The following PDE10A variants were observed in gnomAD, a reference collection of about 807,000 sequenced individuals.
The protein encoded by PDE10A is cAMP and cAMP-inhibited cGMP 3',5'-cyclic phosphodiesterase 10A.
In PDE10A, 39 loss-of-function variants were observed where a neutral mutation model predicts 97.7. The observed-to-expected ratio is 0.40, with a 90% CI of 0.31 to 0.52. The LOEUF is 0.52. Ranked by LOEUF, PDE10A falls within the 20% of genes least tolerant of loss-of-function variation. The pLI is 0.56. For missense variants in PDE10A, 731 were observed against 1,047.8 expected (o/e 0.70, Z 4.17); for synonymous variants, 371 against 376.8 (o/e 0.98, Z 0.18).
At chr6:165,413,422 A>AT in intron 13 of PDE10A, 79 bp downstream of exon 13, 2 of 907,920 alleles carry the variant, frequency 2.2e-6, no homozygotes, top group Non-Finnish European at 3.3e-6. Context: ...AAAAAAAAAA[A>AT]GCCCTTAAGC....
At chr6:165,481,136 T>C (rs185239256) in intron 3 of PDE10A, among the ~76,000 whole-genome samples, 3 of 152,348 alleles carry the variant, frequency 2.0e-5, no homozygotes, top group African/African-American at 7.2e-5. Context: ...TTTATGACTC[T>C]GCCAAAGTTC....
At chr6:165,396,557 TAGA>T in intron 13 of PDE10A, 98 bp from the exon 14 acceptor site, 3 of 1,229,760 alleles carry the variant, frequency 2.4e-6, no homozygotes, top group Non-Finnish European at 3.4e-6. Flanking sequence ...GAATCAGAAC[TAGA>T]ATTAAAACCA....
chr6:165,574,187 C>A (rs887180736), intron 1 of PDE10A, among the ~76,000 whole-genome samples: 44 of 152,076 alleles, frequency 2.9e-4, no homozygotes, highest in African/African-American at 9.9e-4. Flanking sequence ...TATATGAGAA[C>A]CACTTCCACT....
chr6:165,362,276 T>C (rs1395744003), intron 18 of PDE10A, among the ~76,000 whole-genome samples: 1 of 151,592 alleles, frequency 6.6e-6, no homozygotes, highest in Non-Finnish European at 1.5e-5. Context: ...TCAACAAAAC[T>C]GACAAACTTT....
intron 1 of PDE10A, among the ~76,000 whole-genome samples, chr6:165,896,888 G>A (rs192053016): frequency 3.3e-5 from 5 of 152,024 alleles, no homozygotes; most frequent in East Asian, 3.9e-4. Context: ...CAGGCTGGTC[G>A]TGAACTCCAG....
At chr6:165,541,523 T>C (rs1783438023) in intron 2 of PDE10A, among the ~76,000 whole-genome samples, 1 of 152,210 alleles carries the variant, frequency 6.6e-6, no homozygotes, top group Non-Finnish European at 1.5e-5. Context: ...AGCACTACAA[T>C]AGGTTCTAGG....
chr6:165,471,678 A>G (rs1168503360), intron 3 of PDE10A, among the ~76,000 whole-genome samples: 2 of 151,950 alleles, frequency 1.3e-5, no homozygotes, highest in Non-Finnish European at 2.9e-5. Context: ...TTTTAATATC[A>G]CATATCTGGA....
chr6:165,608,469 C>A (rs1031207331), intron 1 of PDE10A, among the ~76,000 whole-genome samples: 3 of 152,022 alleles, frequency 2.0e-5, no homozygotes, highest in Non-Finnish European at 4.4e-5. Context: ...GCATAGTATT[C>A]CATGGTGTAT....
intron 1 of PDE10A, among the ~76,000 whole-genome samples, chr6:165,676,825 G>A (rs1004435905): frequency 6.6e-6 from 1 of 152,086 alleles, no homozygotes; most frequent in African/African-American, 2.4e-5. Context: ...ACTGGCGAGC[G>A]CCTCCCTTCC....
At chr6:165,692,445 G>GGACTT (rs1791328830) in intron 1 of PDE10A, among the ~76,000 whole-genome samples, 1 of 152,138 alleles carries the variant, frequency 6.6e-6, no homozygotes, top group African/African-American at 2.4e-5. Context: ...GTCACTACCG[G>GGACTT]GACTTGCTTG....
chr6:165,425,507 C>G (rs1030699685), intron 10 of PDE10A, among the ~76,000 whole-genome samples: 4 of 151,892 alleles, frequency 2.6e-5, no homozygotes, highest in Non-Finnish European at 5.9e-5. Flanking sequence ...TAAAAACACG[C>G]AATAAAGTAG....
chr6:165,344,268 T>C (rs910647090), intron 18 of PDE10A, among the ~76,000 whole-genome samples: 43 of 152,316 alleles, frequency 2.8e-4, no homozygotes, highest in African/African-American at 1.0e-3. Context: ...GATTTGGTCT[T>C]GTGATATGTG....
chr6:165,518,509 G>A (rs1288362878), intron 2 of PDE10A, among the ~76,000 whole-genome samples: 1 of 152,142 alleles, frequency 6.6e-6, no homozygotes. Context: ...GTAGCTGTCT[G>A]GCTTACGGGA....
At chr6:165,550,238 T>C (rs1783944703) in intron 1 of PDE10A, among the ~76,000 whole-genome samples, 1 of 152,188 alleles carries the variant, frequency 6.6e-6, no homozygotes, top group South Asian at 2.1e-4. Flanking sequence ...AAATTTCCAT[T>C]ATCTCACAGT....
intron 19 of PDE10A, among the ~76,000 whole-genome samples, chr6:165,342,289 C>T (rs1381959208): frequency 1.3e-5 from 2 of 152,186 alleles, no homozygotes; most frequent in East Asian, 3.8e-4. Flanking sequence ...TGGATCCACA[C>T]AGTTCAAACC....
chr6:165,821,870 G>A (rs1293063973), intron 1 of PDE10A, among the ~76,000 whole-genome samples: 2 of 150,602 alleles, frequency 1.3e-5, no homozygotes, highest in African/African-American at 2.4e-5. Context: ...ATAGACTCAT[G>A]GTCAGTTAAC....
rs371414666 is a variant in PDE10A, at chr6:165,886,233, C to T, written c.-615+101296G>A. On this transcript the variant is annotated intron_variant, in intron 1 of 19. Coordinates refer to the PDE10A transcript ENST00000366882. ...CCCTGCAGCCCTGGAGCCCTGGAAC[C>T]CTGGAGCCCTGCAGACCTGGAGTCC... 2.2e-4 allele frequency among the ~76,000 whole-genome samples: 33 copies of T among 151,522 alleles called. No individual in the cohort carries two copies. In the East Asian group the frequency reaches 6.0e-3, roughly 28 times the overall value.
intron 1 of PDE10A, among the ~76,000 whole-genome samples, chr6:165,600,176 C>G (rs1290528309): frequency 6.6e-6 from 1 of 152,194 alleles, no homozygotes; most frequent in African/African-American, 2.4e-5. Context: ...CTTCACTCCT[C>G]CTCCGAGGAT....
At chr6:165,982,369 A>T (rs947269531) in intron 1 of PDE10A, among the ~76,000 whole-genome samples, 1 of 152,164 alleles carries the variant, frequency 6.6e-6, no homozygotes, top group Non-Finnish European at 1.5e-5. Context: ...CTTTTAAAAC[A>T]CTCATGAGAT....
Sources: gnomAD v4.1 joint callset for allele counts (sites outside exome capture counted in the v4.1 genomes callset) on GRCh38, gnomAD v4.1.1 for gene constraint, MANE v1.5 for transcripts, NCBI Gene and HGNC (gene_info 2026-07-23, HGNC 2026-07-21) for gene names.